Variants in ATP13A1 observed in about 807,000 individuals in gnomAD.
The protein encoded by ATP13A1 is ATPase 13A1.
A neutral mutation model predicts 134.8 loss-of-function variants in ATP13A1; 55 were observed. The observed-to-expected ratio is 0.41, with a 90% CI of 0.33 to 0.51. The LOEUF (loss-of-function observed/expected upper bound fraction) is 0.51, where lower values mean the gene tolerates loss of function less well. ATP13A1 is among the 20% of genes least tolerant of loss of function. ATP13A1 has a pLI of 0.29. For synonymous variants in ATP13A1, 775 were observed against 725.1 expected (o/e 1.07, Z -1.10); for missense variants, 1,389 against 1,652.8 (o/e 0.84, Z 2.77).
chr19:19,652,951 T>C, intron 15 of ATP13A1: 1 of 558,628 alleles, frequency 1.8e-6, no homozygotes, highest in South Asian at 2.2e-5. Flanking sequence ...TGTGGCTCTA[T>C]GTCCTGCTTG....
At chr19:19,663,065 A>G in intron 1 of ATP13A1, 2 of 777,944 alleles carry the variant, frequency 2.6e-6, no homozygotes, top group Non-Finnish European at 4.5e-6. Context: ...CTTCAGAAAA[A>G]GGAAATAACC....
chr19:19,662,975 T>A, intron 1 of ATP13A1: 1 of 553,862 alleles, frequency 1.8e-6, no homozygotes, highest in Non-Finnish European at 3.4e-6. Flanking sequence ...CTACCTGACC[T>A]GGGCGACGTA....
In ATP13A1 at chr19:19,654,786, A is replaced by G. The variant is rs1193680256; in HGVS notation, c.1656-86T>C. The G allele has an allele frequency of 4.1e-6, 6 of 1,469,376 alleles. No individual in the cohort carries two copies. In the East Asian group the frequency reaches 1.4e-4, roughly 34 times the overall value. 91.0% of individuals were successfully genotyped at this position (1,469,376 alleles called of 1,614,324 possible). A position where few individuals can be genotyped will look rare whatever the true frequency, so the allele number is the denominator to read the frequency against. ...CACCAGCAGAAGGACCCCCAAGGCC[A>G]TTCATTCCGTGCTTGTCACTGGGGT... On this transcript the variant is annotated intron_variant, in intron 12 of 25. Coordinates refer to ENST00000357324, the MANE Select transcript of ATP13A1 (RefSeq NM_020410.3).
Position 19,645,270 on chromosome 19 carries a change from C to A in ATP13A1, c.*152G>T. ...GGGCTGGTTCTGCTGGCCAAGCCAGCGGATGGCTGTGGGGGTCCCAGCTCA... is the reference window on the plus strand; with the variant it reads ...GGGCTGGTTCTGCTGGCCAAGCCAGAGGATGGCTGTGGGGGTCCCAGCTCA... On this transcript the variant is annotated 3_prime_UTR_variant, in exon 26 of 26. Transcript: ENST00000357324. The surrounding 1 kb of genome is among the most constrained non-coding windows in gnomAD (Gnocchi z 4.1). The A allele has an allele frequency of 2.4e-6, 2 of 833,410 alleles. No homozygotes were observed. The highest frequency in any genetic ancestry group is 1.8e-5 in the South Asian group (1 of 55,790). The allele number at this position is 833,410 out of a possible 1,614,324, so 51.6% of individuals were successfully genotyped here. A position where few individuals can be genotyped will look rare whatever the true frequency, so the allele number is the denominator to read the frequency against.
In ATP13A1 at chr19:19,645,365, G is replaced by C. The variant is rs1238174623; in HGVS notation, c.*57C>G. The C allele has an allele frequency of 5.9e-6, 9 of 1,536,916 alleles. No individual in the cohort carries two copies. The highest frequency in any genetic ancestry group is 7.9e-6 in the Non-Finnish European group (9 of 1,135,008). ...GGGCAGGGTTCCCTCCCGGGGCCCT[G>C]TTGGGGTTCCCGCCCAGCGGCAGCC... On this transcript the variant is annotated 3_prime_UTR_variant, in exon 26 of 26. Transcript: ENST00000357324. The surrounding 1 kb of genome is among the most constrained non-coding windows in gnomAD (Gnocchi z 4.1).
chr19:19,651,859 C>A, intron 16 of ATP13A1, 62 bp from the exon 17 acceptor site: 1 of 1,306,002 alleles, frequency 7.7e-7, no homozygotes, highest in South Asian at 1.3e-5. Flanking sequence ...AGGCCAGAGA[C>A]AAGGCTGCCA....
Position 19,645,810 on chromosome 19 carries a change from A to T in ATP13A1, c.3361-20T>A, listed in dbSNP as rs1275638565. 5.1e-6 allele frequency: 4 copies of T among 785,500 alleles called. No homozygotes were observed. The African/African-American group carries it at 8.2e-5, about 16-fold the overall frequency. 48.7% of individuals were successfully genotyped at this position (785,500 alleles called of 1,614,324 possible). On this transcript the variant is annotated intron_variant, in intron 24 of 25. Transcript: ENST00000357324. This position sits in a 1 kb window ranked among gnomAD's most constrained non-coding sequence, Gnocchi z 4.1. ...CGGGCCCTGTGGGGATGAGGGACAGATGGCTTCATGGGGTGGGGCTGGGTG... is the reference window on the plus strand; with the variant it reads ...CGGGCCCTGTGGGGATGAGGGACAGTTGGCTTCATGGGGTGGGGCTGGGTG...
Position 19,647,540 on chromosome 19 carries a change from ACAGCAGG to A in ATP13A1, c.2794-19_2794-13del. On this transcript the variant is annotated splice_polypyrimidine_tract_variant and intron_variant, in intron 20 of 25. Coordinates refer to ENST00000357324, the MANE Select transcript of ATP13A1 (RefSeq NM_020410.3). The surrounding 1 kb of genome is among the most constrained non-coding windows in gnomAD (Gnocchi z 4.8). ...TGGCTCAGGCGGTCCTGCAGGGTAGACAGCAGGCTGTCAGCCCTGGCCAGGATGGGGT... is the reference window on the plus strand; with the variant it reads ...TGGCTCAGGCGGTCCTGCAGGGTAGACTGTCAGCCCTGGCCAGGATGGGGT... The A allele has an allele frequency of 6.2e-7, 1 of 1,612,454 alleles. No individual in the cohort carries two copies. Among genetic ancestry groups the A allele is most frequent in the Non-Finnish European group, 8.5e-7 (1 of 1,179,134 alleles).
Position 19,645,378 on chromosome 19 carries a change from C to T in ATP13A1, c.*44G>A. 2 of 1,556,138 alleles carry T rather than the reference C, an allele frequency of 1.3e-6. No individual in the cohort carries two copies. Among genetic ancestry groups the T allele is most frequent in the Non-Finnish European group, 1.7e-6 (2 of 1,150,292 alleles). ...TCCCGGGGCCCTGTTGGGGTTCCCGCCCAGCGGCAGCCAGGGTGGGCAGTG... is the reference window on the plus strand; with the variant it reads ...TCCCGGGGCCCTGTTGGGGTTCCCGTCCAGCGGCAGCCAGGGTGGGCAGTG... On this transcript the variant is annotated 3_prime_UTR_variant, in exon 26 of 26. Coordinates refer to ENST00000357324, the MANE Select transcript of ATP13A1 (RefSeq NM_020410.3). The surrounding 1 kb of genome is among the most constrained non-coding windows in gnomAD (Gnocchi z 4.1).
chr19:19,659,937 G>T lies in ATP13A1; in HGVS notation c.447C>A (p.Asn149Lys). ...GGGCCACGAGCTCCGTGGAGCCATT[G>T]TTGGGGGTTGGCACCACCTTCACAA... ...ATFVKVVPTP[N>K]NGSTELVALH... is the part of the protein sequence containing the mutation. Residue 149 changes from asparagine (N) to lysine (K), a missense_variant, in exon 2 of 26, where the codon AAC (asparagine) becomes AAA (lysine). This residue lies in a region of ATP13A1 where 293 missense variants were observed against 270.8 expected (regional missense o/e 1.08). Transcript: ENST00000357324. 2 of 1,585,890 alleles carry T rather than the reference G, an allele frequency of 1.3e-6. No homozygotes were observed. The highest frequency in any genetic ancestry group is 2.3e-5 in the East Asian group (1 of 43,880).
chr19:19,663,608 ACCCCGCAAGGCCGGG>A lies in ATP13A1; in HGVS notation c.44_58del (p.Ala15_Gly19del). 1 of 1,418,430 alleles carries A rather than the reference ACCCCGCAAGGCCGGG, an allele frequency of 7.1e-7. No individual in the cohort carries two copies. The highest frequency in any genetic ancestry group is 9.1e-7 in the Non-Finnish European group (1 of 1,096,596). The allele number at this position is 1,418,430 out of a possible 1,614,324, so 87.9% of individuals were successfully genotyped here. ...GGGCTTGGGCTGCCCGTCAGGCCGG[ACCCCGCAAGGCCGGG>A]CCCCGCAGGGCACCGCGTTGCCCAC... On this transcript the variant is annotated inframe_deletion, in exon 1 of 26. Transcript: ENST00000357324.
chr19:19,646,102 G>C (rs1290092180), intron 23 of ATP13A1, 103 bp downstream of exon 23: 1 of 1,592,414 alleles, frequency 6.3e-7, no homozygotes, highest in East Asian at 2.2e-5. Context: ...GCCCCTCCCT[G>C]GACACCCTGG....
intron 3 of ATP13A1, among the ~76,000 whole-genome samples, chr19:19,659,036 A>C: frequency 6.6e-6 from 1 of 152,220 alleles, no homozygotes; most frequent in East Asian, 1.9e-4. Context: ...AAGGTCTCAC[A>C]CCCCAGGGCA....
At chr19:19,661,814 C>T (rs1172277405) in intron 1 of ATP13A1, among the ~76,000 whole-genome samples, 1 of 152,176 alleles carries the variant, frequency 6.6e-6, no homozygotes, top group African/African-American at 2.4e-5. Flanking sequence ...AAAGCGCCAC[C>T]GCACGGGTGG....
chr19:19,657,555 C>T (rs2145014207), intron 3 of ATP13A1, 147 bp from the exon 4 acceptor site: 1 of 741,688 alleles, frequency 1.3e-6, no homozygotes, highest in Non-Finnish European at 2.1e-6. Context: ...GGCGAGCTTC[C>T]AGATAGGAGG....
In ATP13A1 at chr19:19,654,678, C is replaced by G. The variant is rs775341233; in HGVS notation, c.1678G>C (p.Val560Leu). 5.0e-6 allele frequency: 8 copies of G among 1,612,910 alleles called. No homozygotes were observed. The Admixed American group carries it at 1.2e-4, about 24-fold the overall frequency. The change falls in exon 13 of 26, where the codon GTG becomes CTG. Residue 560 changes from valine to leucine, a missense_variant. By Grantham distance (32) the Val-to-Leu change is conservative. Around this residue, in one of 4 missense-constraint regions of ATP13A1, gnomAD observed 747 missense variants for 956.1 expected, o/e 0.78. Coordinates refer to ENST00000357324, the MANE Select transcript of ATP13A1 (RefSeq NM_020410.3). ...TGTGTTTCTACAGGGATGCTGGACA[C>G]TGGGGTCACCTCCTTCCCGTCTCTG... ...GLRDGKEVTPVSSIPVETHRA... is the reference protein window; with the variant it reads ...GLRDGKEVTPLSSIPVETHRA...
Position 19,655,022 on chromosome 19 carries a change from C to T in ATP13A1, c.1655+97G>A. 1.3e-6 allele frequency: 2 copies of T among 1,528,886 alleles called. No homozygotes were observed. Among genetic ancestry groups the T allele is most frequent in the Non-Finnish European group, 1.8e-6 (2 of 1,137,722 alleles). The allele number at this position is 1,528,886 out of a possible 1,614,324, so 94.7% of individuals were successfully genotyped here. On this transcript the variant is annotated intron_variant, in intron 12 of 25. Transcript: ENST00000357324. This position sits in a 1 kb window ranked among gnomAD's most constrained non-coding sequence, Gnocchi z 5.7. Reference sequence around the variant, plus strand: ...ACCCGAGGCAGGGCCTCTGACGGGCCCTCACTGCAAGGGCTTGGGGTGGAT... The same window carrying T: ...ACCCGAGGCAGGGCCTCTGACGGGCTCTCACTGCAAGGGCTTGGGGTGGAT...
chr19:19,662,371 G>A, intron 1 of ATP13A1: 2 of 985,324 alleles, frequency 2.0e-6, no homozygotes, highest in Non-Finnish European at 2.4e-6. Context: ...AGGGTGGGGG[G>A]CTTCTGTCTT....
intron 17 of ATP13A1, 187 bp from the exon 18 acceptor site, chr19:19,650,127 G>A: frequency 1.6e-6 from 1 of 611,850 alleles, no homozygotes; most frequent in Non-Finnish European, 2.9e-6. Context: ...TGCACAGGGT[G>A]GAACCAAGAG....
Sources: allele counts gnomAD v4.1 joint callset (sites outside exome capture counted in the v4.1 genomes callset), GRCh38; gene constraint gnomAD v4.1.1; regional missense constraint gnomAD v4.1.1; non-coding constraint Gnocchi (gnomAD v3.1); transcripts MANE v1.5; gene names NCBI Gene and HGNC (gene_info 2026-07-23, HGNC 2026-07-21).